The following ARHGAP15 variants were observed in gnomAD, a reference collection of about 807,000 sequenced individuals.
ARHGAP15 encodes the protein Rho GTPase activating protein 15, also known as rho GTPase-activating protein 15.
Under a neutral mutation model 63.7 loss-of-function variants are expected in ARHGAP15, and 51 were observed. The ratio of observed to expected loss-of-function variants is 0.80; its 90% CI spans 0.64 to 1.01. The LOEUF is 1.01. Among genes scored for constraint, ARHGAP15 ranks in the 50% least tolerant of loss-of-function variants. The probability of loss-of-function intolerance (pLI) is 0.00; values close to 1 mark genes in which losing one functional copy is unlikely to be tolerated. For missense variants in ARHGAP15, 560 were observed against 564.6 expected (o/e 0.99, Z 0.08); for synonymous variants, 191 against 193.8 (o/e 0.99, Z 0.12).
intron 6 of ARHGAP15, among the ~76,000 whole-genome samples, chr2:143,405,991 C>T (rs879736901): frequency 2.0e-4 from 31 of 152,054 alleles, no homozygotes; most frequent in African/African-American, 7.5e-4. Flanking sequence ...ATCTTATCTA[C>T]TTGTAAATTC....
intron 4 of ARHGAP15, among the ~76,000 whole-genome samples, chr2:143,221,224 CT>C (rs1019795543): frequency 2.6e-5 from 4 of 151,754 alleles, no homozygotes; most frequent in African/African-American, 9.7e-5. Context: ...TCTTATTTTC[CT>C]TCTTTCTCTT....
At chr2:143,226,000 T>C (rs992322597) in intron 4 of ARHGAP15, among the ~76,000 whole-genome samples, 5 of 152,228 alleles carry the variant, frequency 3.3e-5, no homozygotes, top group African/African-American at 1.2e-4. Flanking sequence ...CTTTCACTTT[T>C]ATTCAGAGAA....
chr2:143,446,251 A>G (rs1004846770), intron 8 of ARHGAP15, among the ~76,000 whole-genome samples: 2 of 151,544 alleles, frequency 1.3e-5, no homozygotes, highest in African/African-American at 2.4e-5. Context: ...TCTAAAATAT[A>G]TCAAATAACT....
intron 2 of ARHGAP15, among the ~76,000 whole-genome samples, chr2:143,172,407 T>C (rs1690823981): frequency 6.6e-6 from 1 of 152,074 alleles, no homozygotes; most frequent in African/African-American, 2.4e-5. Flanking sequence ...GAAAGGATTT[T>C]AAGCACATAA....
At chr2:143,737,494 T>C (rs1685790303) in intron 13 of ARHGAP15, among the ~76,000 whole-genome samples, 1 of 152,238 alleles carries the variant, frequency 6.6e-6, no homozygotes, top group Admixed American at 6.5e-5. Context: ...CTGCCCTTTG[T>C]ACATTTCTTC....
chr2:143,497,767 T>G (rs1559010889), intron 9 of ARHGAP15, among the ~76,000 whole-genome samples: 1 of 152,214 alleles, frequency 6.6e-6, no homozygotes, highest in Non-Finnish European at 1.5e-5. Flanking sequence ...GGAGATTGAT[T>G]ATTTGAGCAA....
At chr2:143,536,303 G>A (rs1486182965) in intron 10 of ARHGAP15, among the ~76,000 whole-genome samples, 2 of 151,938 alleles carry the variant, frequency 1.3e-5, no homozygotes, top group Admixed American at 6.6e-5. Context: ...CATGCAATAC[G>A]TATTTTTCTG....
At chr2:143,287,803 C>CA in intron 6 of ARHGAP15, among the ~76,000 whole-genome samples, 1 of 151,242 alleles carries the variant, frequency 6.6e-6, no homozygotes, top group African/African-American at 2.4e-5. Context: ...GACTCTGTCC[C>CA]AAAAAAAGAA....
chr2:143,138,796 G>A (rs1689246629), intron 1 of ARHGAP15, among the ~76,000 whole-genome samples: 1 of 152,066 alleles, frequency 6.6e-6, no homozygotes, highest in Non-Finnish European at 1.5e-5. Flanking sequence ...AGATTTTGAA[G>A]ACATAGTACA....
intron 11 of ARHGAP15, among the ~76,000 whole-genome samples, chr2:143,587,132 CATA>C (rs1697138445): frequency 6.6e-6 from 1 of 152,174 alleles, no homozygotes; most frequent in Admixed American, 6.6e-5. Flanking sequence ...TTTCCTTACT[CATA>C]GGATACAGCC....
At chr2:143,614,757 A>T (rs1274279934) in intron 11 of ARHGAP15, among the ~76,000 whole-genome samples, 1 of 152,220 alleles carries the variant, frequency 6.6e-6, no homozygotes, top group East Asian at 1.9e-4. Flanking sequence ...TTAATTAGGC[A>T]TGCCCCAGGA....
At chr2:143,538,417 T>C (rs1260698538) in intron 10 of ARHGAP15, among the ~76,000 whole-genome samples, 1 of 152,200 alleles carries the variant, frequency 6.6e-6, no homozygotes, top group Non-Finnish European at 1.5e-5. Flanking sequence ...CAACACTATG[T>C]TGAATAGGAG....
At chr2:143,354,534 C>T (rs184244022) in intron 6 of ARHGAP15, among the ~76,000 whole-genome samples, 41 of 151,988 alleles carry the variant, frequency 2.7e-4, no homozygotes, top group African/African-American at 8.9e-4. Flanking sequence ...AGGAGTTTTA[C>T]GGAGAACAGT....
intron 9 of ARHGAP15, among the ~76,000 whole-genome samples, chr2:143,501,400 T>G (rs1270120929): frequency 6.6e-6 from 1 of 152,178 alleles, no homozygotes; most frequent in African/African-American, 2.4e-5. Context: ...CATAAAGAAT[T>G]TGACAGGACC....
intron 9 of ARHGAP15, among the ~76,000 whole-genome samples, chr2:143,506,312 T>C (rs35035558): frequency 0.26 from 39,993 of 152,128 alleles, 6,133 homozygotes; most frequent in East Asian, 0.71. Flanking sequence ...TTTAATTACC[T>C]GAATAAATTC....
intron 12 of ARHGAP15, among the ~76,000 whole-genome samples, chr2:143,674,749 G>C (rs1375898217): frequency 2.0e-5 from 3 of 152,150 alleles, no homozygotes; most frequent in Non-Finnish European, 4.4e-5. Context: ...CGAAAACAAT[G>C]TACAGGCCTT....
intron 6 of ARHGAP15, among the ~76,000 whole-genome samples, chr2:143,262,382 C>T (rs1382846021): frequency 6.6e-6 from 1 of 152,114 alleles, no homozygotes; most frequent in Non-Finnish European, 1.5e-5. Context: ...CACTCCTCCA[C>T]TGCAACTGTG....
Position 143,535,958 on chromosome 2 carries a change from C to T in ARHGAP15, c.925+16594C>T, listed in dbSNP as rs142488491. On this transcript the variant is annotated intron_variant, in intron 10 of 13. Coordinates refer to ENST00000295095, the MANE Select transcript of ARHGAP15 (RefSeq NM_018460.4). ...ATTTGTGGATAATGTATGTTTTTTT[C>T]ACATACAACATGAAGTTTTAAAGTA... Among the ~76,000 whole-genome samples the T allele has an allele frequency of 3.2e-3, 484 of 151,858 alleles. 2 individuals carry two copies. The highest frequency in any genetic ancestry group is 0.011 in the African/African-American group (468 of 41,414).
intron 12 of ARHGAP15, among the ~76,000 whole-genome samples, chr2:143,666,394 C>A (rs1240662574): frequency 5.3e-5 from 8 of 152,142 alleles, no homozygotes; most frequent in Non-Finnish European, 8.8e-5. Context: ...GTATCGCTTC[C>A]TTACACCTTA....
Sources: gnomAD v4.1 joint callset for allele counts (sites outside exome capture counted in the v4.1 genomes callset) on GRCh38, gnomAD v4.1.1 for gene constraint, MANE v1.5 for transcripts, NCBI Gene and HGNC (gene_info 2026-07-23, HGNC 2026-07-21) for gene names.